ZFP1: variants seen among roughly 807,000 people sequenced by gnomAD.
ZFP1 encodes ZFP1 zinc finger protein, also known as zinc finger protein 1 homolog.
A neutral mutation model predicts 38.5 loss-of-function variants in ZFP1; 32 were observed. The ratio of observed to expected loss-of-function variants is 0.83; its 90% CI spans 0.63 to 1.12. ZFP1 has a LOEUF of 1.12. Among genes scored for constraint, ZFP1 ranks in the 50% most tolerant of loss-of-function variants. The pLI is 0.00. For synonymous variants in ZFP1, 245 were observed against 168.8 expected, an observed-to-expected ratio of 1.45 and a Z score of -3.50; for missense variants, 616 against 480.8, an observed-to-expected ratio of 1.28 and a Z score of -2.63.
At chr16:75,119,864 C>A in the ZFP1 span, among the ~76,000 whole-genome samples, 5 of 150,720 alleles carry the variant, frequency 3.3e-5, no homozygotes, top group East Asian at 9.7e-4. Context: ...CACACATACA[C>A]AAAGGATGAT....
the ZFP1 span, among the ~76,000 whole-genome samples, chr16:75,120,610 TG>T: frequency 6.6e-6 from 1 of 151,982 alleles, no homozygotes; most frequent in Admixed American, 6.6e-5. Context: ...ATTGTTTGTT[TG>T]TTTGTTTTGA....
chr16:75,163,768 C>T (rs987654860), intron 2 of ZFP1, among the ~76,000 whole-genome samples: 6 of 151,838 alleles, frequency 4.0e-5, no homozygotes, highest in East Asian at 1.9e-4. Context: ...TGCACCACCA[C>T]GTCCAGCTAG....
Position 75,169,543 on chromosome 16 carries a change from A to C in ZFP1, c.433A>C (p.Lys145Gln), listed in dbSNP as rs369533619. The C allele has an allele frequency of 5.0e-6, 8 of 1,612,448 alleles. No individual in the cohort carries two copies. The Admixed American group carries it at 1.3e-4, about 27-fold the overall frequency. Reference sequence around the variant, plus strand: ...ATTTGGAAAAGCACTTCTCTACCTGAAGCAAGAGAAAACCCACAGTGGAGT... The same window carrying C: ...ATTTGGAAAAGCACTTCTCTACCTGCAGCAAGAGAAAACCCACAGTGGAGT... ...NEFGKALLYL[K>Q]QEKTHSGVEY... is the part of the protein sequence containing the mutation. Residue 145 changes from lysine to glutamine, a missense_variant, in exon 4 of 4, where the codon AAG becomes CAG. Coordinates refer to ENST00000570010, the MANE Select transcript of ZFP1 (RefSeq NM_153688.4).
At chr16:75,124,649 T>G in the ZFP1 span, among the ~76,000 whole-genome samples, 2 of 149,746 alleles carry the variant, frequency 1.3e-5, no homozygotes, top group African/African-American at 4.9e-5. Flanking sequence ...TAGCTGGACG[T>G]GGCGGCAGGC....
Position 75,148,971 on chromosome 16 carries a change from C to G in ZFP1, c.-44+328C>G, listed in dbSNP as rs1350808184. On this transcript the variant is annotated intron_variant, in intron 1 of 3. Transcript: ENST00000570010. Reference sequence around the variant, plus strand: ...GCGAGTTCTGGAGCCCCGGCGGGCGCGCGCGCGCGGGACGAGGCCCCGCCG... The same window carrying G: ...GCGAGTTCTGGAGCCCCGGCGGGCGGGCGCGCGCGGGACGAGGCCCCGCCG... 7 of 151,644 alleles carry G rather than the reference C, an allele frequency of 4.6e-5. No individual in the cohort carries two copies. The East Asian group carries it at 1.4e-3, about 30-fold the overall frequency. The allele number at this position is 151,644 out of a possible 1,614,324, so 9.4% of individuals were successfully genotyped here.
chr16:75,120,873 C>A, the ZFP1 span, among the ~76,000 whole-genome samples: 1 of 152,100 alleles, frequency 6.6e-6, no homozygotes, highest in Non-Finnish European at 1.5e-5. Flanking sequence ...GATCCGCCCG[C>A]CTCAGCCTCC....
At chr16:75,124,262 G>T in the ZFP1 span, among the ~76,000 whole-genome samples, 1 of 149,036 alleles carries the variant, frequency 6.7e-6, no homozygotes, top group Non-Finnish European at 1.5e-5. Flanking sequence ...AGGTTCAAGC[G>T]ATTCTCCTGC....
At chr16:75,159,798 T>C (rs549913230) in intron 2 of ZFP1, among the ~76,000 whole-genome samples, 18 of 152,214 alleles carry the variant, frequency 1.2e-4, no homozygotes, top group Non-Finnish European at 2.6e-4. Context: ...TTAAGTTTTG[T>C]CTGCCAGATA....
At chr16:75,160,656 CAAAAA>C (rs71158584) in intron 2 of ZFP1, among the ~76,000 whole-genome samples, 11 of 101,580 alleles carry the variant, frequency 1.1e-4, no homozygotes, top group Admixed American at 2.0e-4. Flanking sequence ...GAGACTGCCT[CAAAAA>C]AAAAAAAAAA....
At chr16:75,152,618 G>C (rs1489847464) in intron 1 of ZFP1, among the ~76,000 whole-genome samples, 1 of 152,138 alleles carries the variant, frequency 6.6e-6, no homozygotes, top group African/African-American at 2.4e-5. Context: ...AATCATAGTT[G>C]TGTTAAATGC....
At chr16:75,168,102 C>T (rs1209557277) in intron 3 of ZFP1, among the ~76,000 whole-genome samples, 5 of 152,070 alleles carry the variant, frequency 3.3e-5, no homozygotes, top group African/African-American at 9.7e-5. Context: ...AGTGATCCTC[C>T]TGCCTTGGCC....
chr16:75,171,242 A>C lies in ZFP1; in HGVS notation c.*908A>C, dbSNP rs768318166. The C allele has an allele frequency of 3.9e-5, 6 of 152,166 alleles. No homozygotes were observed. The highest frequency in any genetic ancestry group is 8.8e-5 in the Non-Finnish European group (6 of 68,028). The allele number at this position is 152,166 out of a possible 1,614,324, so 9.4% of individuals were successfully genotyped here. ...TTTTTGTCTTTCCTTGTTTCCCTTA[A>C]TATTTCATGAATTGTCTAGCAAAAA... On this transcript the variant is annotated 3_prime_UTR_variant, in exon 4 of 4. Transcript: ENST00000570010.
chr16:75,123,341 G>A, the ZFP1 span, among the ~76,000 whole-genome samples: 1 of 149,334 alleles, frequency 6.7e-6, no homozygotes, highest in African/African-American at 2.5e-5. Context: ...GCGACACAGA[G>A]ACTCTGTCTA....
At chr16:75,153,668 G>A (rs556783346) in intron 2 of ZFP1, among the ~76,000 whole-genome samples, 4 of 152,100 alleles carry the variant, frequency 2.6e-5, no homozygotes, top group Non-Finnish European at 4.4e-5. Context: ...ATGCATTAAT[G>A]TATATTGTTA....
At chr16:75,143,247 G>A in the ZFP1 span, among the ~76,000 whole-genome samples, 2 of 151,866 alleles carry the variant, frequency 1.3e-5, no homozygotes, top group African/African-American at 2.4e-5. Context: ...TTTTTGTTTT[G>A]TTTTTGTTTT....
intron 2 of ZFP1, chr16:75,166,522 C>T: frequency 8.1e-6 from 8 of 984,876 alleles, no homozygotes; most frequent in Non-Finnish European, 9.6e-6. Context: ...AGCCACTATG[C>T]CTGGCCAATA....
At chr16:75,149,289 A>G (rs991758752) in intron 1 of ZFP1, 3 of 151,868 alleles carry the variant, frequency 2.0e-5, no homozygotes, top group African/African-American at 7.3e-5. Context: ...ATATTTTTTC[A>G]TTTATCTTTT....
chr16:75,147,607 A>C (rs1172433149), upstream of ZFP1, among the ~76,000 whole-genome samples: 4 of 152,088 alleles, frequency 2.6e-5, no homozygotes, highest in Admixed American at 2.0e-4. Flanking sequence ...ATTTAACTGT[A>C]GGTTCACCAA....
the ZFP1 span, among the ~76,000 whole-genome samples, chr16:75,123,483 A>G: frequency 0.15 from 18,556 of 124,428 alleles, 2,700 homozygotes; most frequent in East Asian, 0.56. Flanking sequence ...ATATATATAT[A>G]TATATATATA....
Sources: gnomAD v4.1 joint callset for allele counts (sites outside exome capture counted in the v4.1 genomes callset) on GRCh38, gnomAD v4.1.1 for gene constraint, MANE v1.5 for transcripts, NCBI Gene and HGNC (gene_info 2026-07-23, HGNC 2026-07-21) for gene names.